Variants in HDGF observed in about 807,000 individuals in gnomAD.
The protein encoded by HDGF is heparin binding growth factor.
HDGF carries 5 observed loss-of-function variants against 30.0 expected under a neutral mutation model. That is an observed-to-expected ratio of 0.17 (90% CI 0.09 to 0.35). The LOEUF (loss-of-function observed/expected upper bound fraction) is 0.35, where lower values mean the gene tolerates loss of function less well. Among genes scored for constraint, HDGF ranks in the 10% least tolerant of loss-of-function variants. The probability of loss-of-function intolerance (pLI) is 1.00; values close to 1 mark genes in which losing one functional copy is unlikely to be tolerated. For missense variants in HDGF, 214 were observed against 302.8 expected, an observed-to-expected ratio of 0.71 and a Z score of 2.18; for synonymous variants, 133 against 112.7, an observed-to-expected ratio of 1.18 and a Z score of -1.14.
intron 1 of HDGF, among the ~76,000 whole-genome samples, chr1:156,748,784 C>A (rs1452280439): frequency 6.6e-6 from 1 of 152,208 alleles, no homozygotes; most frequent in Non-Finnish European, 1.5e-5. Context: ...GACCACCACA[C>A]CCAGGGCTGA....
chr1:156,754,072 C>T (rs964605570), upstream of HDGF, among the ~76,000 whole-genome samples: 3 of 151,958 alleles, frequency 2.0e-5, no homozygotes. Flanking sequence ...CGCGTCACCA[C>T]GCCAGGCTAA....
downstream of HDGF, chr1:156,742,107 T>A (rs1031690089): frequency 6.6e-6 from 1 of 152,616 alleles, no homozygotes; most frequent in Non-Finnish European, 1.5e-5. Context: ...CAGAATCCAA[T>A]ATAGTAATCA....
chr1:156,743,778 T>A lies in HDGF; in HGVS notation c.590A>T (p.Lys197Met). The change falls in exon 5 of 6, where the codon AAG (lysine) becomes ATG (methionine). Residue 197 changes from lysine (K) to methionine (M), a missense_variant. By Grantham distance (95) the Lys-to-Met change is moderately conservative. Coordinates refer to ENST00000357325, the MANE Select transcript of HDGF (RefSeq NM_004494.3). ...GCCGGGCTCAGAGGGGGTGCTATTC[T>A]TTTCCACCTCCATAGGAAGGGGCCT... is the stretch of plus-strand genomic sequence containing the variant. ...VERPLPMEVE[K>M]NSTPSEPGSG... 1 of 1,603,286 alleles carries A rather than the reference T, an allele frequency of 6.2e-7. No homozygotes were observed. Among genetic ancestry groups the A allele is most frequent in the South Asian group, 1.1e-5 (1 of 89,872 alleles).
chr1:156,752,236 G>A, upstream of HDGF: 2 of 1,551,828 alleles, frequency 1.3e-6, no homozygotes, highest in Non-Finnish European at 8.7e-7. Flanking sequence ...TACCGTATGG[G>A]GGGTGGCCCT....
At chr1:156,749,945 G>T (rs996277609) in intron 1 of HDGF, among the ~76,000 whole-genome samples, 1 of 152,220 alleles carries the variant, frequency 6.6e-6, no homozygotes, top group African/African-American at 2.4e-5. Context: ...GCAGGGTAAA[G>T]TACAGGAGAG....
chr1:156,752,231 T>A, upstream of HDGF: 1 of 1,551,720 alleles, frequency 6.4e-7, no homozygotes. Context: ...GTGCTTACCG[T>A]ATGGGGGGTG....
At chr1:156,757,963 G>A (rs1368857140) in intron 2 of HDGF, among the ~76,000 whole-genome samples, 1 of 152,142 alleles carries the variant, frequency 6.6e-6, no homozygotes, top group Non-Finnish European at 1.5e-5. Context: ...TTCCAGGGCA[G>A]TGGCTGTTGA....
chr1:156,744,177 C>A lies in HDGF; in HGVS notation c.475G>T (p.Gly159Trp). ...NEKGALKRRA[G>W]DLLEDSPKRP... ...GCAGCAGTTACCTCCAGCAAGTCCC[C>A]TGCTCTCCTCTTCAACGCTCCTTTC... The change falls in exon 4 of 6, where the codon GGG (glycine) becomes TGG (tryptophan). Residue 159 changes from glycine (G) to tryptophan (W), a missense_variant. Physicochemically the swap from Gly to Trp is radical, Grantham distance 184 (BLOSUM62 -2). Coordinates refer to ENST00000357325, the MANE Select transcript of HDGF (RefSeq NM_004494.3). 6.2e-7 allele frequency: 1 copy of A among 1,614,068 alleles called. No homozygotes were observed. Among genetic ancestry groups the A allele is most frequent in the Non-Finnish European group, 8.5e-7 (1 of 1,179,984 alleles).
At position 156,751,266 on chromosome 1, in the gene HDGF, G is replaced by C; in HGVS notation, c.87+77C>G. 1.3e-6 allele frequency: 2 copies of C among 1,521,304 alleles called. No individual in the cohort carries two copies. Among genetic ancestry groups the C allele is most frequent in the Non-Finnish European group, 1.8e-6 (2 of 1,128,712 alleles). 94.2% of individuals were successfully genotyped at this position (1,521,304 alleles called of 1,614,324 possible). On this transcript the variant is annotated intron_variant, in intron 1 of 5. Transcript: ENST00000357325. The surrounding 1 kb of genome is among the most constrained non-coding windows in gnomAD (Gnocchi z 4.7). ...GCCCCCACCTCTGCCCGCTCCGCGC[G>C]GAGCGCTCGTGCCCTTCCCGGTGTT...
At chr1:156,752,272 C>T, upstream of HDGF, 1 of 1,551,804 alleles carries the variant, frequency 6.4e-7, no homozygotes, top group Non-Finnish European at 8.7e-7. Flanking sequence ...TTGAGCCCTA[C>T]GTCCGCCTTT....
At chr1:156,762,446 TTA>T (rs1651266763) in intron 1 of HDGF, among the ~76,000 whole-genome samples, 1 of 152,096 alleles carries the variant, frequency 6.6e-6, no homozygotes, top group African/African-American at 2.4e-5. Flanking sequence ...CCTGTTTGTT[TTA>T]TCTCTATTAC....
chr1:156,757,053 A>T (rs1651165378), upstream of HDGF, among the ~76,000 whole-genome samples: 2 of 151,744 alleles, frequency 1.3e-5, no homozygotes. Context: ...TCAGCCTCCC[A>T]AAGTGCTGGG....
At chr1:156,749,633 T>C (rs1157495000) in intron 1 of HDGF, among the ~76,000 whole-genome samples, 2 of 152,092 alleles carry the variant, frequency 1.3e-5, no homozygotes, top group African/African-American at 4.8e-5. Flanking sequence ...GGAGAGAAAA[T>C]GGATGGGATC....
intron 1 of HDGF, among the ~76,000 whole-genome samples, chr1:156,761,702 C>T (rs1053051646): frequency 6.6e-6 from 1 of 150,752 alleles, no homozygotes; most frequent in Non-Finnish European, 1.5e-5. Context: ...AATCCCAGCA[C>T]TTTGGGAGGC....
intron 1 of HDGF, among the ~76,000 whole-genome samples, chr1:156,761,632 A>G (rs1651249672): frequency 7.0e-6 from 1 of 143,414 alleles, no homozygotes; most frequent in African/African-American, 2.6e-5. Context: ...ACAAAAAACA[A>G]AAAAAAAACC....
chr1:156,751,867 C>G (rs1410499807), upstream of HDGF: 22 of 972,352 alleles, frequency 2.3e-5, no homozygotes, highest in Non-Finnish European at 3.1e-5. The surrounding 1 kb of genome is among the most constrained non-coding windows in gnomAD (Gnocchi z 4.7). Context: ...AACGCCCAAC[C>G]CGGAGCCGCC....
upstream of HDGF, chr1:156,755,595 G>A (rs1351263690): frequency 6.6e-6 from 1 of 152,254 alleles, no homozygotes; most frequent in Non-Finnish European, 1.5e-5. Flanking sequence ...TCCCAACGGA[G>A]TCGAGGGTTT....
chr1:156,744,877 CACCCTGATTAGCTCCT>C, intron 3 of HDGF, 115 bp downstream of exon 3: 1 of 1,100,934 alleles, frequency 9.1e-7, no homozygotes, highest in South Asian at 1.5e-5. Context: ...CCCTTCCCAC[CACCCTGATTAGCTCCT>C]ACCCTGAAAG....
intron 3 of HDGF, 123 bp downstream of exon 3, chr1:156,744,885 T>G: frequency 2.6e-6 from 3 of 1,169,440 alleles, no homozygotes; most frequent in East Asian, 2.4e-5. Flanking sequence ...ACCACCCTGA[T>G]TAGCTCCTAC....
Sources: allele counts gnomAD v4.1 joint callset (sites outside exome capture counted in the v4.1 genomes callset), GRCh38; gene constraint gnomAD v4.1.1; non-coding constraint Gnocchi (gnomAD v3.1); transcripts MANE v1.5; gene names NCBI Gene and HGNC (gene_info 2026-07-23, HGNC 2026-07-21).